ASB1: variants seen among roughly 807,000 people sequenced by gnomAD.
The protein encoded by ASB1 is ankyrin repeat and SOCS box containing 1.
In ASB1, 18 loss-of-function variants were observed where a neutral mutation model predicts 27.7. That is an observed-to-expected ratio of 0.65 (90% CI 0.45 to 0.96). The LOEUF is 0.96. ASB1 is among the 50% of genes least tolerant of loss of function. ASB1 has a pLI of 0.00. For synonymous variants in ASB1, 189 were observed against 187.6 expected, an observed-to-expected ratio of 1.01 and a Z score of -0.06; for missense variants, 397 against 451.7, an observed-to-expected ratio of 0.88 and a Z score of 1.10.
intron 3 of ASB1, among the ~76,000 whole-genome samples, chr2:238,442,404 G>GC (rs992877648): frequency 2.6e-5 from 4 of 152,070 alleles, no homozygotes; most frequent in African/African-American, 9.7e-5. Flanking sequence ...GAGCCACCAC[G>GC]CCCCGCCCCA....
In ASB1 at chr2:238,435,718, A is replaced by G. The variant is rs1157550051; in HGVS notation, c.199A>G (p.Asn67Asp). The G allele has an allele frequency of 6.2e-7, 1 of 1,612,278 alleles. No homozygotes were observed. Among genetic ancestry groups the G allele is most frequent in the Non-Finnish European group, 8.5e-7 (1 of 1,178,620 alleles). ...CTTGTGTTCCTCCTGCAGCCGCATC[A>G]ACGAGAAGTCTGTCTGGTGCTGTGG... ...LQEESYRSRI[N>D]EKSVWCCGWL... Residue 67 changes from asparagine to aspartate, a missense_variant, in exon 3 of 5, where the codon AAC becomes GAC. Coordinates refer to ENST00000264607, the MANE Select transcript of ASB1 (RefSeq NM_001040445.3).
chr2:238,431,485 G>A lies in ASB1; in HGVS notation c.50-2069G>A, dbSNP rs73090991. 4.7e-3 allele frequency among the ~76,000 whole-genome samples: 717 copies of A among 152,332 alleles called. 6 individuals carry two copies. Among genetic ancestry groups the A allele is most frequent in the African/African-American group, 0.016 (686 of 41,586 alleles). On this transcript the variant is annotated intron_variant, in intron 1 of 4. Coordinates refer to ENST00000264607, the MANE Select transcript of ASB1 (RefSeq NM_001040445.3). ...GCTGTTTTGCTTTCTTATCAATTGT[G>A]TGTTTACAGGGGTAGCACTTTTAAT...
At chr2:238,445,858 T>A (rs993513578) in intron 4 of ASB1, among the ~76,000 whole-genome samples, 2 of 152,254 alleles carry the variant, frequency 1.3e-5, no homozygotes, top group African/African-American at 2.4e-5. Context: ...GCAGCTTGCG[T>A]TCAGGACTGT....
Position 238,446,767 on chromosome 2 carries a change from G to A in ASB1, c.*256G>A. The A allele has an allele frequency of 2.2e-6, 1 of 461,546 alleles. No homozygotes were observed. Among genetic ancestry groups the A allele is most frequent in the South Asian group, 2.1e-5 (1 of 46,990 alleles). The allele number at this position is 461,546 out of a possible 1,614,324, so 28.6% of individuals were successfully genotyped here. A position where few individuals can be genotyped will look rare whatever the true frequency, so the allele number is the denominator to read the frequency against. On this transcript the variant is annotated 3_prime_UTR_variant, in exon 5 of 5. Coordinates refer to ENST00000264607, the MANE Select transcript of ASB1 (RefSeq NM_001040445.3). ...TCTGGATTTTCAGTTGCATATTAAT[G>A]TAACGGGCCATGGGGTATGTACATG... is the stretch of plus-strand genomic sequence containing the variant.
At chr2:238,431,747 A>G (rs1162527244) in intron 1 of ASB1, among the ~76,000 whole-genome samples, 4 of 125,386 alleles carry the variant, frequency 3.2e-5, no homozygotes, top group Admixed American at 7.4e-5. Context: ...AGGCCTGAGG[A>G]GAGAGTGGGA....
At chr2:238,433,489 A>G in intron 1 of ASB1, 65 bp from the exon 2 acceptor site, 1 of 1,580,440 alleles carries the variant, frequency 6.3e-7, no homozygotes, top group East Asian at 2.3e-5. Context: ...TGCAGATGGC[A>G]CCCCCTTTTG....
chr2:238,430,198 T>C (rs1701842181), intron 1 of ASB1, among the ~76,000 whole-genome samples: 1 of 152,162 alleles, frequency 6.6e-6, no homozygotes, highest in Non-Finnish European at 1.5e-5. Flanking sequence ...GCATGAGACG[T>C]TGTTTGATGG....
chr2:238,436,098 G>A lies in ASB1; in HGVS notation c.494+85G>A, dbSNP rs539137731. On this transcript the variant is annotated intron_variant, in intron 3 of 4. Coordinates refer to ENST00000264607, the MANE Select transcript of ASB1 (RefSeq NM_001040445.3). ...TGCAGTTTTTCTGTCTTTAGAATTC[G>A]GCTCTTTAGATGACTCGCCTGTTTT... 2.3e-4 allele frequency: 311 copies of A among 1,347,336 alleles called. 6 individuals are homozygous for A. The South Asian group carries it at 4.1e-3, about 18-fold the overall frequency. 83.5% of individuals were successfully genotyped at this position (1,347,336 alleles called of 1,614,324 possible).
chr2:238,436,774 C>CTCT (rs1553625441), intron 3 of ASB1, among the ~76,000 whole-genome samples: 141 of 147,074 alleles, frequency 9.6e-4, no homozygotes, highest in South Asian at 2.6e-3. Context: ...CTCTCTCTCT[C>CTCT]TTTTTTTTTT....
At position 238,444,741 on chromosome 2, in the gene ASB1, G is replaced by A. The variant is rs774110797; in HGVS notation, c.880+14G>A. 40 of 1,590,160 alleles carry A rather than the reference G, an allele frequency of 2.5e-5. No individual in the cohort carries two copies. Among genetic ancestry groups the A allele is most frequent in the Middle Eastern group, 1.7e-4 (1 of 5,854 alleles). On this transcript the variant is annotated intron_variant, in intron 4 of 4. Transcript: ENST00000264607. ...AAGAGGCCAGAAGTAAGTGGCTTGA[G>A]TTCAGCTCTGACTTGTGGGCTGGGT...
intron 1 of ASB1, among the ~76,000 whole-genome samples, chr2:238,429,128 C>T (rs1002397714): frequency 6.6e-6 from 1 of 152,098 alleles, no homozygotes; most frequent in African/African-American, 2.4e-5. Context: ...TCATCACCCC[C>T]GTTTCACCTG....
At position 238,426,959 on chromosome 2, in the gene ASB1, G is replaced by C. The variant is rs1701762897; in HGVS notation, c.-112G>C. The C allele has an allele frequency of 1.1e-6, 1 of 876,360 alleles. No homozygotes were observed. The highest frequency in any genetic ancestry group is 1.7e-5 in the African/African-American group (1 of 57,182). The allele number at this position is 876,360 out of a possible 1,614,324, so 54.3% of individuals were successfully genotyped here. On this transcript the variant is annotated 5_prime_UTR_variant, in exon 1 of 5. Coordinates refer to ENST00000264607, the MANE Select transcript of ASB1 (RefSeq NM_001040445.3). ...CCGGCGCGCGCCCGCCGGAAGCCGC[G>C]ACCCCGACGCGCCCCCCATTGCCCT... is the stretch of plus-strand genomic sequence containing the variant.
intron 4 of ASB1, among the ~76,000 whole-genome samples, chr2:238,445,937 GTCAGCCTGTGCCCCTCAAGCAGTGC>G (rs1702171404): frequency 6.6e-6 from 1 of 152,202 alleles, no homozygotes; most frequent in African/African-American, 2.4e-5. Flanking sequence ...GGGCAAAGTC[GTCAGCCTGTGCCCCTCAAGCAGTGC>G]TCAGCCTGTG....
intron 3 of ASB1, among the ~76,000 whole-genome samples, chr2:238,439,449 C>T (rs757297250): frequency 3.3e-5 from 5 of 152,278 alleles, no homozygotes; most frequent in African/African-American, 7.2e-5. Context: ...GGTTAGAAAG[C>T]GTGGCTGCTG....
chr2:238,429,747 A>G lies in ASB1; in HGVS notation c.49+2628A>G, dbSNP rs200703375. Among the ~76,000 whole-genome samples, 24 of 152,262 alleles carry G rather than the reference A, an allele frequency of 1.6e-4. No homozygotes were observed. In the East Asian group the frequency reaches 3.1e-3, roughly 20 times the overall value. On this transcript the variant is annotated intron_variant, in intron 1 of 4. Transcript: ENST00000264607. Reference sequence around the variant, plus strand: ...GGAGATCAAGATCATCCTGGCTAACATGGTGAAACCCCTTCTCTACTAAAA... The same window carrying G: ...GGAGATCAAGATCATCCTGGCTAACGTGGTGAAACCCCTTCTCTACTAAAA...
At chr2:238,436,484 A>AATT (rs200285549) in intron 3 of ASB1, among the ~76,000 whole-genome samples, 1,623 of 152,008 alleles carry the variant, frequency 0.011, 36 homozygotes, top group African/African-American at 0.037. Flanking sequence ...GACGTAAAAA[A>AATT]ATTATTATTA....
Position 238,444,585 on chromosome 2 carries a change from C to T in ASB1, c.738C>T (p.His246=), listed in dbSNP as rs1426022833. Residue 246 remains histidine (H), a synonymous_variant, in exon 4 of 5, where the codon CAC becomes CAT. Transcript: ENST00000264607. ...PGCVMDAVLR[H]GCEAAFVSLL... ...GCGTCATGGATGCTGTTCTGCGCCA[C>T]GGCTGTGAGGCAGCCTTCGTGAGCC... 7 of 1,614,088 alleles carry T rather than the reference C, an allele frequency of 4.3e-6. No homozygotes were observed. Among genetic ancestry groups the T allele is most frequent in the Non-Finnish European group, 5.1e-6 (6 of 1,180,046 alleles).
Position 238,427,008 on chromosome 2 carries a change from C to G in ASB1, c.-63C>G. The G allele has an allele frequency of 8.3e-7, 1 of 1,204,352 alleles. No homozygotes were observed. 74.6% of individuals were successfully genotyped at this position (1,204,352 alleles called of 1,614,324 possible). A position where few individuals can be genotyped will look rare whatever the true frequency, so the allele number is the denominator to read the frequency against. On this transcript the variant is annotated 5_prime_UTR_variant, in exon 1 of 5. Transcript: ENST00000264607. ...CTCGGCGCCGGAAGTGGTCGCGGGT[C>G]GTTCTGCTTCCTGCCCGAGGGGCGT...
chr2:238,451,150 A>T lies in ASB1; in HGVS notation c.*4639A>T, dbSNP rs1702277166. The T allele has an allele frequency of 6.6e-6, 1 of 152,214 alleles. No homozygotes were observed. The highest frequency in any genetic ancestry group is 1.9e-4 in the East Asian group (1 of 5,176). 9.4% of individuals were successfully genotyped at this position (152,214 alleles called of 1,614,324 possible). ...TGGGTGGGATTCACATCCCAGGAGAATTCCACGGAGAGGAATGTGCAGATT... is the reference window on the plus strand; with the variant it reads ...TGGGTGGGATTCACATCCCAGGAGATTTCCACGGAGAGGAATGTGCAGATT... On this transcript the variant is annotated 3_prime_UTR_variant, in exon 5 of 5. Coordinates refer to ENST00000264607, the MANE Select transcript of ASB1 (RefSeq NM_001040445.3).
Sources: allele counts gnomAD v4.1 joint callset (sites outside exome capture counted in the v4.1 genomes callset), GRCh38; gene constraint gnomAD v4.1.1; transcripts MANE v1.5; gene names NCBI Gene and HGNC (gene_info 2026-07-23, HGNC 2026-07-21).